The following LARGE1 variants were observed in gnomAD, a reference collection of about 807,000 sequenced individuals.
LARGE1 encodes the protein LARGE xylosyl- and glucuronyltransferase 1, also known as xylosyl- and glucuronyltransferase LARGE1.
A neutral mutation model predicts 87.6 loss-of-function variants in LARGE1; 43 were observed. The ratio of observed to expected loss-of-function variants is 0.49; its 90% CI spans 0.38 to 0.63. The LOEUF (loss-of-function observed/expected upper bound fraction) is 0.63, where lower values mean the gene tolerates loss of function less well. Ranked by LOEUF, LARGE1 falls within the 30% of genes least tolerant of loss-of-function variation. The pLI is 0.00. For missense variants in LARGE1, 802 were observed against 1,000.2 expected (o/e 0.80, Z 2.67); for synonymous variants, 434 against 394.6 (o/e 1.10, Z -1.18).
intron 2 of LARGE1, chr22:33,726,025 C>G (rs1201544141): frequency 6.6e-6 from 1 of 151,762 alleles, no homozygotes; most frequent in Non-Finnish European, 1.5e-5. Flanking sequence ...CTCCCTGCCC[C>G]CCATAAGGAA....
chr22:33,601,621 T>C (rs747288357), intron 5 of LARGE1, among the ~76,000 whole-genome samples: 1 of 152,202 alleles, frequency 6.6e-6, no homozygotes, highest in Admixed American at 6.5e-5. Flanking sequence ...ACTGTTGTAC[T>C]GGATTCTGAC....
chr22:33,573,117 C>T (rs5749632), intron 5 of LARGE1, among the ~76,000 whole-genome samples: 2 of 152,020 alleles, frequency 1.3e-5, no homozygotes, highest in Non-Finnish European at 2.9e-5. Flanking sequence ...AATATTATGA[C>T]TGATGATACT....
chr22:33,711,293 G>A (rs999249554), intron 2 of LARGE1, among the ~76,000 whole-genome samples: 18 of 152,222 alleles, frequency 1.2e-4, no homozygotes, highest in Non-Finnish European at 2.6e-4. Context: ...ATAGGAGACA[G>A]GGAAGAACTG....
chr22:33,210,709 C>A (rs937667601), intron 11 of LARGE1, among the ~76,000 whole-genome samples: 1 of 152,254 alleles, frequency 6.6e-6, no homozygotes, highest in Admixed American at 6.5e-5. Flanking sequence ...TGGGCGCTCA[C>A]ACGCACACGG....
At chr22:33,459,073 T>C (rs1231565167) in intron 6 of LARGE1, among the ~76,000 whole-genome samples, 2 of 152,126 alleles carry the variant, frequency 1.3e-5, no homozygotes, top group Admixed American at 6.5e-5. Context: ...TGTATATATG[T>C]GCCATGGTGG....
the LARGE1 span, among the ~76,000 whole-genome samples, chr22:33,140,941 AT>A: frequency 1.3e-5 from 2 of 152,142 alleles, no homozygotes; most frequent in Non-Finnish European, 2.9e-5. Context: ...CTTGAAAAAA[AT>A]ATTTCTTTAC....
intron 11 of LARGE1, among the ~76,000 whole-genome samples, chr22:33,243,855 G>A (rs562204249): frequency 1.1e-4 from 16 of 152,256 alleles, no homozygotes; most frequent in Admixed American, 2.0e-4. Context: ...ATTCATTGGC[G>A]TTAGGGACTT....
chr22:33,143,451 A>T, the LARGE1 span, among the ~76,000 whole-genome samples: 3 of 152,216 alleles, frequency 2.0e-5, no homozygotes, highest in Middle Eastern at 3.2e-3. Flanking sequence ...AGGTAAGAAG[A>T]TGGTCACCAA....
At chr22:33,418,792 CTA>C (rs2066590427) in intron 7 of LARGE1, among the ~76,000 whole-genome samples, 1 of 152,148 alleles carries the variant, frequency 6.6e-6, no homozygotes, top group Non-Finnish European at 1.5e-5. Flanking sequence ...GGCTCCCATC[CTA>C]TGAGGCTGAA....
chr22:33,523,811 C>T (rs2071735356), intron 6 of LARGE1, among the ~76,000 whole-genome samples: 1 of 152,118 alleles, frequency 6.6e-6, no homozygotes, highest in South Asian at 2.1e-4. Context: ...GTATCCATCA[C>T]TCAGTTTCTG....
At chr22:33,505,169 C>T (rs1212437448) in intron 6 of LARGE1, among the ~76,000 whole-genome samples, 1 of 152,260 alleles carries the variant, frequency 6.6e-6, no homozygotes, top group Non-Finnish European at 1.5e-5. Context: ...ATCTACTGTC[C>T]TGTCCTCTCC....
chr22:33,831,284 G>A (rs1053919783), intron 1 of LARGE1, among the ~76,000 whole-genome samples: 2 of 151,622 alleles, frequency 1.3e-5, no homozygotes, highest in African/African-American at 2.4e-5. Flanking sequence ...GCAAAGTTGC[G>A]ACACAAAAAA....
chr22:33,602,297 G>A (rs778119551), intron 5 of LARGE1, among the ~76,000 whole-genome samples: 25 of 148,922 alleles, frequency 1.7e-4, no homozygotes, highest in Non-Finnish European at 2.5e-4. Flanking sequence ...TCTTTTTTCC[G>A]TTTTTTTTTC....
At chr22:33,459,441 C>CT (rs3071562) in intron 6 of LARGE1, among the ~76,000 whole-genome samples, 7,088 of 128,264 alleles carry the variant, frequency 0.055, 452 homozygotes, top group African/African-American at 0.15. Flanking sequence ...CGCTCTCTCT[C>CT]TTTTTTTTTT....
chr22:33,165,813 T>G (rs1922238424), exon 12 of LARGE1: 1 of 152,234 alleles, frequency 6.6e-6, no homozygotes, highest in Admixed American at 6.5e-5. Context: ...TTTGAAAATC[T>G]AAGCAACTAT....
intron 1 of LARGE1, among the ~76,000 whole-genome samples, chr22:33,843,328 T>C (rs1281791721): frequency 1.3e-5 from 2 of 151,728 alleles, no homozygotes; most frequent in African/African-American, 4.8e-5. Flanking sequence ...TCCCAGCACT[T>C]TGGGAGGCTG....
At chr22:33,413,182 C>T (rs1447266688) in intron 7 of LARGE1, among the ~76,000 whole-genome samples, 2 of 152,026 alleles carry the variant, frequency 1.3e-5, no homozygotes, top group Non-Finnish European at 1.5e-5. Flanking sequence ...TAATCTAGAA[C>T]CAGAATCTCA....
chr22:33,267,978 C>A (rs542243649), downstream of LARGE1, among the ~76,000 whole-genome samples: 12 of 149,170 alleles, frequency 8.0e-5, no homozygotes, highest in African/African-American at 2.8e-4. Context: ...TTTTTTGAGA[C>A]GGGGTCTTGC....
At position 33,180,902 on chromosome 22, in the gene LARGE1, T is replaced by C. The variant is rs1235171056; in HGVS notation, c.1731-14070A>G. Among the ~76,000 whole-genome samples, 5 of 152,162 alleles carry C rather than the reference T, an allele frequency of 3.3e-5. No homozygotes were observed. In the East Asian group the frequency reaches 9.6e-4, roughly 29 times the overall value. On this transcript the variant is annotated intron_variant, in intron 11 of 11. Coordinates refer to the LARGE1 transcript ENST00000608642. ...CGAGAGACAAAAAGTAGATTAGTGA[T>C]TTCTGGGGGATAGGATTGGGAGTAG...
Sources: gnomAD v4.1 joint callset for allele counts (sites outside exome capture counted in the v4.1 genomes callset) on GRCh38, gnomAD v4.1.1 for gene constraint, MANE v1.5 for transcripts, NCBI Gene and HGNC (gene_info 2026-07-23, HGNC 2026-07-21) for gene names.